Variants in ERC1 observed in about 807,000 individuals in gnomAD.
The protein encoded by ERC1 is RAB6 interacting protein 2.
ERC1 carries 56 observed loss-of-function variants against 132.0 expected under a neutral mutation model. The observed-to-expected ratio is 0.42, with a 90% confidence interval of 0.34 to 0.53. The LOEUF (loss-of-function observed/expected upper bound fraction) is 0.53. Among genes scored for constraint, ERC1 ranks in the 20% least tolerant of loss-of-function variants. ERC1 has a pLI of 0.03. For synonymous variants in ERC1, 478 were observed against 476.1 expected, an observed-to-expected ratio of 1.00 and a Z score of -0.05; for missense variants, 1,202 against 1,349.9, an observed-to-expected ratio of 0.89 and a Z score of 1.72.
chr12:1,283,458 C>A (rs1329500428), intron 14 of ERC1, among the ~76,000 whole-genome samples: 1 of 152,162 alleles, frequency 6.6e-6, no homozygotes, highest in Non-Finnish European at 1.5e-5. Flanking sequence ...GAAATGGAAC[C>A]AAGTGATTCT....
chr12:1,097,023 T>G (rs748872410), intron 3 of ERC1, among the ~76,000 whole-genome samples: 2 of 152,268 alleles, frequency 1.3e-5, no homozygotes, highest in Non-Finnish European at 2.9e-5. Context: ...CTAAGAATTA[T>G]GTCTTTGTTT....
chr12:1,409,404 T>C (rs988633524), intron 17 of ERC1, among the ~76,000 whole-genome samples: 19 of 152,080 alleles, frequency 1.2e-4, no homozygotes, highest in African/African-American at 4.6e-4. Flanking sequence ...TTTTTGATAA[T>C]AGAACTGGAT....
intron 15 of ERC1, among the ~76,000 whole-genome samples, chr12:1,361,418 TAAA>T (rs146763448): frequency 6.6e-6 from 1 of 151,884 alleles, no homozygotes; most frequent in South Asian, 2.1e-4. Context: ...TAATTAAACA[TAAA>T]AAAATAAAAA....
chr12:1,214,641 C>G (rs1958199971), intron 12 of ERC1, among the ~76,000 whole-genome samples: 1 of 146,822 alleles, frequency 6.8e-6, no homozygotes, highest in Non-Finnish European at 1.5e-5. Flanking sequence ...ACATATAAAA[C>G]ATAAATATGC....
At chr12:1,363,543 CTTTTTT>C (rs34769986) in intron 15 of ERC1, among the ~76,000 whole-genome samples, 6 of 94,336 alleles carry the variant, frequency 6.4e-5, no homozygotes, top group Non-Finnish European at 1.1e-4. Context: ...TATTTCTTTC[CTTTTTT>C]TTTTTTTTTT....
At chr12:1,208,781 T>G (rs1483831629) in intron 12 of ERC1, among the ~76,000 whole-genome samples, 6 of 152,024 alleles carry the variant, frequency 3.9e-5, no homozygotes, top group African/African-American at 1.4e-4. Context: ...AGCAATTAAA[T>G]TGTTTTTTTG....
chr12:1,096,050 G>A (rs547679345), intron 3 of ERC1, among the ~76,000 whole-genome samples: 6 of 151,000 alleles, frequency 4.0e-5, no homozygotes, highest in East Asian at 3.9e-4. Flanking sequence ...CTCAGCCCCC[G>A]CAAGTGGCTG....
At chr12:1,341,318 A>G (rs1005757605) in intron 15 of ERC1, among the ~76,000 whole-genome samples, 9 of 151,818 alleles carry the variant, frequency 5.9e-5, no homozygotes, top group African/African-American at 2.2e-4. Context: ...GATGGTCTCG[A>G]TCTCCTGAGG....
intron 2 of ERC1, among the ~76,000 whole-genome samples, chr12:1,034,135 G>A (rs1426472553): frequency 1.3e-5 from 2 of 152,092 alleles, no homozygotes; most frequent in African/African-American, 4.8e-5. Context: ...GTGTATACTA[G>A]TGCCCAAATA....
At chr12:1,063,285 G>A (rs1938416378) in intron 2 of ERC1, among the ~76,000 whole-genome samples, 1 of 151,680 alleles carries the variant, frequency 6.6e-6, no homozygotes, top group African/African-American at 2.4e-5. Flanking sequence ...TTTTGAGATG[G>A]AATATTGCTC....
intron 12 of ERC1, among the ~76,000 whole-genome samples, chr12:1,221,307 A>G (rs1958960444): frequency 6.6e-6 from 1 of 152,232 alleles, no homozygotes; most frequent in South Asian, 2.1e-4. Flanking sequence ...TAATTGCCAT[A>G]AAACAGTCCT....
chr12:1,244,434 T>C, intron 13 of ERC1: 1 of 384,916 alleles, frequency 2.6e-6, no homozygotes, highest in South Asian at 2.0e-5. Flanking sequence ...ATTATTTTAG[T>C]ATTTCTACGT....
At chr12:1,196,957 CACACATAT>C (rs1220421549) in intron 12 of ERC1, among the ~76,000 whole-genome samples, 249 of 21,540 alleles carry the variant, frequency 0.012, 7 homozygotes, top group African/African-American at 0.048. Flanking sequence ...CACACACACA[CACACATAT>C]ATATATATAT....
chr12:1,305,802 T>G (rs1210815145), intron 15 of ERC1, among the ~76,000 whole-genome samples: 3 of 152,190 alleles, frequency 2.0e-5, no homozygotes, highest in Non-Finnish European at 4.4e-5. Flanking sequence ...TTTTTCTTCC[T>G]GAAGTCTTCA....
At chr12:1,333,020 G>A (rs576498051) in intron 15 of ERC1, among the ~76,000 whole-genome samples, 1 of 93,866 alleles carries the variant, frequency 1.1e-5, no homozygotes. Context: ...TTTATAATTC[G>A]TCCTGATCCT....
chr12:1,170,955 T>C (rs901693488), intron 8 of ERC1, among the ~76,000 whole-genome samples: 1 of 152,246 alleles, frequency 6.6e-6, no homozygotes, highest in African/African-American at 2.4e-5. Context: ...GTTCTCATCT[T>C]CCTTAGAAGA....
chr12:1,208,552 C>T (rs1957549249), intron 12 of ERC1, among the ~76,000 whole-genome samples: 1 of 151,940 alleles, frequency 6.6e-6, no homozygotes, highest in Non-Finnish European at 1.5e-5. Flanking sequence ...CTTTTTAGAT[C>T]CTTGGAGCAT....
chr12:1,154,343 A>C (rs1018332324), intron 8 of ERC1, among the ~76,000 whole-genome samples: 1 of 90,862 alleles, frequency 1.1e-5, no homozygotes, highest in African/African-American at 4.3e-5. Context: ...ACACATACCC[A>C]TGTGTGTTTA....
At chr12:1,055,803 A>G (rs1346603996) in intron 2 of ERC1, among the ~76,000 whole-genome samples, 1 of 152,106 alleles carries the variant, frequency 6.6e-6, no homozygotes, top group African/African-American at 2.4e-5. Flanking sequence ...ATGGTACATC[A>G]TGGGTGAGAT....
Sources: gnomAD v4.1 joint callset for allele counts (sites outside exome capture counted in the v4.1 genomes callset) on GRCh38, gnomAD v4.1.1 for gene constraint, MANE v1.5 for transcripts, NCBI Gene and HGNC (gene_info 2026-07-23, HGNC 2026-07-21) for gene names.